Variants in SUSD1 observed in about 807,000 individuals in gnomAD.
SUSD1 encodes sushi domain containing 1.
A neutral mutation model predicts 86.9 loss-of-function variants in SUSD1; 65 were observed. The ratio of observed to expected loss-of-function variants is 0.75; its 90% CI spans 0.61 to 0.92. The LOEUF is 0.92. Ranked by LOEUF, SUSD1 falls within the 40% of genes least tolerant of loss-of-function variation. SUSD1 has a pLI of 0.00. For synonymous variants in SUSD1, 346 were observed against 350.0 expected (o/e 0.99, Z 0.13); for missense variants, 850 against 929.7 (o/e 0.91, Z 1.11).
In SUSD1 at chr9:112,076,507, C is replaced by T. The variant is rs577447292; in HGVS notation, c.1753+2031G>A. 3.4e-4 allele frequency among the ~76,000 whole-genome samples: 52 copies of T among 152,154 alleles called. 1 individual carries two copies. The South Asian group carries it at 9.1e-3, about 27-fold the overall frequency. ...GAAACAGAGAAGCCTGGGTGGAAACCGATTTGGGGGCGAGGGCAGAGGTGA... is the reference window on the plus strand; with the variant it reads ...GAAACAGAGAAGCCTGGGTGGAAACTGATTTGGGGGCGAGGGCAGAGGTGA... On this transcript the variant is annotated intron_variant, in intron 12 of 16. Coordinates refer to ENST00000374270, the MANE Select transcript of SUSD1 (RefSeq NM_022486.5).
chr9:112,151,321 G>C (rs1428228827), intron 2 of SUSD1, among the ~76,000 whole-genome samples: 1 of 152,184 alleles, frequency 6.6e-6, no homozygotes, highest in African/African-American at 2.4e-5. Flanking sequence ...TCTTGGCCAG[G>C]CACGTTGGTT....
At chr9:112,132,994 A>G (rs1832095647) in intron 5 of SUSD1, among the ~76,000 whole-genome samples, 1 of 152,224 alleles carries the variant, frequency 6.6e-6, no homozygotes, top group Admixed American at 6.5e-5. Flanking sequence ...CAGAAAGAAC[A>G]AGGCTGGGCG....
chr9:112,141,569 C>G (rs1411598407), intron 5 of SUSD1, among the ~76,000 whole-genome samples: 1 of 151,306 alleles, frequency 6.6e-6, no homozygotes, highest in Non-Finnish European at 1.5e-5. Context: ...CCCAGCTACT[C>G]GAGTGGATGA....
At chr9:112,147,572 C>T (rs753193984) in intron 3 of SUSD1, among the ~76,000 whole-genome samples, 2 of 151,658 alleles carry the variant, frequency 1.3e-5, no homozygotes, top group Admixed American at 6.6e-5. Flanking sequence ...AGATCAAGAC[C>T]ATCCTGGCCA....
intron 5 of SUSD1, among the ~76,000 whole-genome samples, chr9:112,124,920 G>A (rs925874224): frequency 6.6e-6 from 1 of 152,066 alleles, no homozygotes; most frequent in Admixed American, 6.5e-5. Flanking sequence ...TTGCATAGGA[G>A]GAGACAAACC....
chr9:112,091,872 T>G (rs961587429), intron 10 of SUSD1, among the ~76,000 whole-genome samples: 4 of 152,198 alleles, frequency 2.6e-5, no homozygotes, highest in Non-Finnish European at 4.4e-5. Context: ...TCAGAACAAC[T>G]GTGAAATTTT....
chr9:112,136,727 C>T (rs1346837595), intron 5 of SUSD1, among the ~76,000 whole-genome samples: 1 of 152,114 alleles, frequency 6.6e-6, no homozygotes, highest in African/African-American at 2.4e-5. Flanking sequence ...CACAGGCAGC[C>T]GTGTAATGAA....
At chr9:112,044,620 C>A (rs1244778339) in intron 15 of SUSD1, among the ~76,000 whole-genome samples, 1 of 152,142 alleles carries the variant, frequency 6.6e-6, no homozygotes, top group African/African-American at 2.4e-5. Flanking sequence ...CATTTAGAAT[C>A]AAATAATTTT....
chr9:112,064,045 T>TG (rs1564258740), intron 12 of SUSD1, among the ~76,000 whole-genome samples: 6 of 31,566 alleles, frequency 1.9e-4, no homozygotes, highest in African/African-American at 8.7e-4. Flanking sequence ...CTTTCTTTTT[T>TG]TGGGGGGGGG....
At chr9:112,145,453 G>C (rs535058589) in intron 3 of SUSD1, among the ~76,000 whole-genome samples, 5 of 151,720 alleles carry the variant, frequency 3.3e-5, no homozygotes, top group Non-Finnish European at 7.4e-5. Flanking sequence ...TAATTTTTGT[G>C]TGTCTTTTTG....
intron 6 of SUSD1, among the ~76,000 whole-genome samples, chr9:112,116,308 A>G (rs1049036079): frequency 6.6e-6 from 1 of 152,138 alleles, no homozygotes. Context: ...GGTGTCAGAT[A>G]TTTCATCCCA....
At chr9:112,112,098 C>T (rs1831124737) in intron 7 of SUSD1, 2 of 350,022 alleles carry the variant, frequency 5.7e-6, no homozygotes, top group Admixed American at 8.7e-5. Context: ...ACAATTGCAA[C>T]CTGAGGACCA....
At chr9:112,172,070 T>C (rs533412252) in intron 1 of SUSD1, among the ~76,000 whole-genome samples, 1 of 151,934 alleles carries the variant, frequency 6.6e-6, no homozygotes, top group East Asian at 1.9e-4. Flanking sequence ...GTGGTGCATA[T>C]CTGTAATCCC....
intron 15 of SUSD1, among the ~76,000 whole-genome samples, chr9:112,044,831 ACC>A (rs1220974800): frequency 6.6e-6 from 1 of 152,252 alleles, no homozygotes; most frequent in African/African-American, 2.4e-5. Context: ...CACTTCTTAT[ACC>A]AAAAACTACC....
At chr9:112,119,770 T>C (rs971488666) in intron 6 of SUSD1, among the ~76,000 whole-genome samples, 4 of 151,996 alleles carry the variant, frequency 2.6e-5, no homozygotes, top group Non-Finnish European at 5.9e-5. Context: ...GAGTTTCCAG[T>C]CCAAACTGGC....
Position 112,078,676 on chromosome 9 carries a change from T to C in SUSD1, c.1615A>G (p.Met539Val). Residue 539 changes from methionine (M) to valine (V), a missense_variant, in exon 12 of 17, where the codon ATG (methionine) becomes GTG (valine). Met to Val is a conservative substitution (Grantham distance 21). Transcript: ENST00000374270. ...RWYQKEFAQE[M>V]TFNISSSSRD... ...CTGCTGCTACTGATATTAAAGGTCA[T>C]TTCCTGGGCAAATTCCTTCTGATAC... 1.2e-6 allele frequency: 2 copies of C among 1,613,906 alleles called. No homozygotes were observed. The highest frequency in any genetic ancestry group is 1.7e-6 in the Non-Finnish European group (2 of 1,179,868).
At chr9:112,091,367 A>G (rs528367686) in intron 10 of SUSD1, among the ~76,000 whole-genome samples, 6 of 152,362 alleles carry the variant, frequency 3.9e-5, no homozygotes, top group Admixed American at 3.9e-4. Context: ...TAAAGTCCAC[A>G]TAGATCTCAA....
At chr9:112,076,088 T>C (rs1829501965) in intron 12 of SUSD1, among the ~76,000 whole-genome samples, 1 of 152,182 alleles carries the variant, frequency 6.6e-6, no homozygotes, top group African/African-American at 2.4e-5. Flanking sequence ...CCATTCTAAC[T>C]TTAATGGAAA....
Position 112,124,271 on chromosome 9 carries a change from G to A in SUSD1, c.872C>T (p.Thr291Ile), listed in dbSNP as rs1251287996. 1 of 1,613,456 alleles carries A rather than the reference G, an allele frequency of 6.2e-7. No individual in the cohort carries two copies. Among genetic ancestry groups the A allele is most frequent in the Non-Finnish European group, 8.5e-7 (1 of 1,179,722 alleles). The part of the protein sequence containing the change: ...CTEKGTWRES[T>I]LTCTEILTKI... ...AGAATCTGTACCTGTGCATGTTAAA[G>A]TACTTTCTCTCCAGGTGCCTTTCTC... Residue 291 changes from threonine to isoleucine, a missense_variant, in exon 6 of 17, where the codon ACT becomes ATT. Physicochemically the swap from Thr to Ile is moderately conservative, Grantham distance 89 (BLOSUM62 -1). Coordinates refer to ENST00000374270, the MANE Select transcript of SUSD1 (RefSeq NM_022486.5).
Sources: allele counts gnomAD v4.1 joint callset (sites outside exome capture counted in the v4.1 genomes callset), GRCh38; gene constraint gnomAD v4.1.1; transcripts MANE v1.5; gene names NCBI Gene and HGNC (gene_info 2026-07-23, HGNC 2026-07-21).